The following AGAP1 variants were observed in gnomAD, a reference collection of about 807,000 sequenced individuals.
AGAP1 encodes the protein ArfGAP with GTPase domain, ankyrin repeat and PH domain 1.
AGAP1 carries 29 observed loss-of-function variants against 105.3 expected under a neutral mutation model. That is an observed-to-expected ratio of 0.28 (90% CI 0.21 to 0.38). AGAP1 has a LOEUF of 0.38. Ranked by LOEUF, AGAP1 falls within the 10% of genes least tolerant of loss-of-function variation. The pLI, the probability that AGAP1 is intolerant of heterozygous loss-of-function variation, is 1.00. For synonymous variants in AGAP1, 509 were observed against 485.9 expected, an observed-to-expected ratio of 1.05 and a Z score of -0.63; for missense variants, 998 against 1,165.1, an observed-to-expected ratio of 0.86 and a Z score of 2.09.
At chr2:235,496,017 G>A (rs1414942872) in intron 1 of AGAP1, among the ~76,000 whole-genome samples, 1 of 152,240 alleles carries the variant, frequency 6.6e-6, no homozygotes, top group Non-Finnish European at 1.5e-5. Flanking sequence ...CTCTGTGAGG[G>A]AGAGGGTATC....
intron 1 of AGAP1, among the ~76,000 whole-genome samples, chr2:235,547,350 C>T (rs1449624283): frequency 1.3e-5 from 2 of 149,094 alleles, no homozygotes; most frequent in East Asian, 4.0e-4. Flanking sequence ...ATGCTGCTTA[C>T]ATTGACTTTT....
intron 3 of AGAP1, among the ~76,000 whole-genome samples, chr2:235,738,626 C>T (rs1392017795): frequency 1.2e-4 from 18 of 151,374 alleles, no homozygotes; most frequent in African/African-American, 9.7e-5. Context: ...GGCGCAATCT[C>T]GGCTCCCTGC....
At chr2:235,763,984 CTGTG>C (rs1229202330) in intron 6 of AGAP1, among the ~76,000 whole-genome samples, 2 of 152,188 alleles carry the variant, frequency 1.3e-5, no homozygotes, top group Non-Finnish European at 2.9e-5. Context: ...GTCTGAAGAT[CTGTG>C]TGTGGCTGTG....
chr2:235,988,072 T>G lies in AGAP1; in HGVS notation c.1645+19449T>G, dbSNP rs534001215. On this transcript the variant is annotated intron_variant, in intron 13 of 17. Coordinates refer to ENST00000304032, the MANE Select transcript of AGAP1 (RefSeq NM_001037131.3). The surrounding 1 kb of genome is among the most constrained non-coding windows in gnomAD (Gnocchi z 4.7). ...TGTTTTGTTTTTTGAAACAAGAGTC[T>G]CACTCTGTTGCCCAGGCTGGAGTGT... Among the ~76,000 whole-genome samples the G allele has an allele frequency of 6.6e-6, 1 of 152,370 alleles. No homozygotes were observed. Among genetic ancestry groups the G allele is most frequent in the East Asian group, 1.9e-4 (1 of 5,190 alleles).
At chr2:235,841,169 C>T (rs555375058) in intron 9 of AGAP1, among the ~76,000 whole-genome samples, 1 of 152,020 alleles carries the variant, frequency 6.6e-6, no homozygotes, top group Non-Finnish European at 1.5e-5. Context: ...CAAGTGTAGA[C>T]ACCGCCTAGG....
chr2:235,537,828 CTCTG>C (rs1284263884), intron 1 of AGAP1, among the ~76,000 whole-genome samples: 4 of 151,850 alleles, frequency 2.6e-5, no homozygotes, highest in Non-Finnish European at 4.4e-5. Context: ...TTTTTTTTTC[CTCTG>C]TCTCTCGCCC....
At chr2:235,775,278 G>A (rs1189559566) in intron 6 of AGAP1, among the ~76,000 whole-genome samples, 1 of 152,144 alleles carries the variant, frequency 6.6e-6, no homozygotes, top group Non-Finnish European at 1.5e-5. Context: ...CACCCTCAAC[G>A]AAAGGAGGTT....
At chr2:235,658,252 C>T (rs1947837393) in intron 1 of AGAP1, among the ~76,000 whole-genome samples, 1 of 152,142 alleles carries the variant, frequency 6.6e-6, no homozygotes, top group Non-Finnish European at 1.5e-5. Context: ...CTTCTATTAG[C>T]AAAATGTCTT....
At chr2:235,987,119 A>G (rs1430453802) in intron 13 of AGAP1, among the ~76,000 whole-genome samples, 1 of 150,242 alleles carries the variant, frequency 6.7e-6, no homozygotes, top group African/African-American at 2.4e-5. Flanking sequence ...TTATTTATTT[A>G]TTTATTTATT....
chr2:235,849,297 A>T (rs1961874313), intron 9 of AGAP1, among the ~76,000 whole-genome samples: 1 of 152,236 alleles, frequency 6.6e-6, no homozygotes, highest in South Asian at 2.1e-4. Context: ...AAAAGTTGCA[A>T]GTGTCTTCCT....
chr2:235,962,880 G>A lies in AGAP1; in HGVS notation c.1484-5582G>A, dbSNP rs2054248755. ...CTCTGGCTTCTACCATCTGATGCCTGTAGCACCTCCACTCCACCCAGTTTG... is the reference window on the plus strand; with the variant it reads ...CTCTGGCTTCTACCATCTGATGCCTATAGCACCTCCACTCCACCCAGTTTG... On this transcript the variant is annotated intron_variant, in intron 12 of 17. Coordinates refer to ENST00000304032, the MANE Select transcript of AGAP1 (RefSeq NM_001037131.3). The surrounding 1 kb of genome is among the most constrained non-coding windows in gnomAD (Gnocchi z 5.3). 6.6e-6 allele frequency among the ~76,000 whole-genome samples: 1 copy of A among 152,144 alleles called. No individual in the cohort carries two copies. The highest frequency in any genetic ancestry group is 2.4e-5 in the African/African-American group (1 of 41,438).
At chr2:235,684,382 G>A (rs1212711092) in intron 1 of AGAP1, among the ~76,000 whole-genome samples, 1 of 152,144 alleles carries the variant, frequency 6.6e-6, no homozygotes, top group Non-Finnish European at 1.5e-5. Flanking sequence ...CCAGCCCATC[G>A]TGGCCTGGTG....
intron 13 of AGAP1, among the ~76,000 whole-genome samples, chr2:236,015,584 G>A (rs1377053562): frequency 1.3e-5 from 2 of 151,914 alleles, no homozygotes; most frequent in East Asian, 3.9e-4. Flanking sequence ...CAAATGTCAA[G>A]GGTCGGAATT....
chr2:235,996,707 G>A (rs549016347), intron 13 of AGAP1, among the ~76,000 whole-genome samples: 1 of 152,328 alleles, frequency 6.6e-6, no homozygotes, highest in Admixed American at 6.5e-5. Flanking sequence ...CTCTGGAGAT[G>A]CCAAGGGCCT....
rs1054233399 is a variant in AGAP1, at chr2:235,747,272, C to G, written c.538+2433C>G. Among the ~76,000 whole-genome samples the G allele has an allele frequency of 6.6e-6, 1 of 152,112 alleles. No individual in the cohort carries two copies. The highest frequency in any genetic ancestry group is 6.5e-5 in the Admixed American group (1 of 15,272). ...TGGCTGCTTAGATTCTCGAGAAACCCTGATGAAGTTGAAGTCCTTGAGTAA... is the reference window on the plus strand; with the variant it reads ...TGGCTGCTTAGATTCTCGAGAAACCGTGATGAAGTTGAAGTCCTTGAGTAA... On this transcript the variant is annotated intron_variant, in intron 5 of 17. Coordinates refer to ENST00000304032, the MANE Select transcript of AGAP1 (RefSeq NM_001037131.3). The surrounding 1 kb of genome is among the most constrained non-coding windows in gnomAD (Gnocchi z 5.0).
At chr2:235,670,492 C>T (rs1312686988) in intron 1 of AGAP1, 1 of 505,726 alleles carries the variant, frequency 2.0e-6, no homozygotes, top group Non-Finnish European at 3.5e-6. Flanking sequence ...AGGAGGGACG[C>T]GGCTCGCCCG....
intron 16 of AGAP1, among the ~76,000 whole-genome samples, chr2:236,085,891 A>T (rs1373128093): frequency 6.6e-6 from 1 of 152,260 alleles, no homozygotes; most frequent in Non-Finnish European, 1.5e-5. Context: ...CATCAGTGAT[A>T]GCAAATTCCA....
intron 1 of AGAP1, among the ~76,000 whole-genome samples, chr2:235,590,640 GT>G (rs200712618): frequency 6.4e-5 from 9 of 140,224 alleles, no homozygotes; most frequent in East Asian, 6.4e-4. Context: ...TTTTGTTTCT[GT>G]TTTTTTTGTT....
At chr2:236,052,948 G>A (rs945165395) in intron 16 of AGAP1, among the ~76,000 whole-genome samples, 5 of 152,206 alleles carry the variant, frequency 3.3e-5, no homozygotes, top group Admixed American at 3.3e-4. Context: ...AAGTGGTGGT[G>A]AAGTAGTAAC....
Sources: gnomAD v4.1 joint callset for allele counts (sites outside exome capture counted in the v4.1 genomes callset) on GRCh38, gnomAD v4.1.1 for gene constraint, Gnocchi (gnomAD v3.1) non-coding constraint, MANE v1.5 for transcripts, NCBI Gene and HGNC (gene_info 2026-07-23, HGNC 2026-07-21) for gene names.